The following AVL9 variants were observed in gnomAD, a reference collection of about 807,000 sequenced individuals.
The protein encoded by AVL9 is AVL9 cell migration associated.
Under a neutral mutation model 79.2 loss-of-function variants are expected in AVL9, and 49 were observed. The observed-to-expected ratio is 0.62, with a 90% confidence interval of 0.49 to 0.79. AVL9 has a LOEUF of 0.79. AVL9 is among the 30% of genes least tolerant of loss of function. The probability of loss-of-function intolerance (pLI) is 0.00; values close to 1 mark genes in which losing one functional copy is unlikely to be tolerated. For missense variants in AVL9, 682 were observed against 776.8 expected (o/e 0.88, Z 1.45); for synonymous variants, 299 against 280.6 (o/e 1.07, Z -0.65).
At chr7:32,558,331 G>A (rs1337854444) in intron 8 of AVL9, among the ~76,000 whole-genome samples, 3 of 150,294 alleles carry the variant, frequency 2.0e-5, no homozygotes, top group Non-Finnish European at 4.4e-5. Context: ...CTAAGTTTTT[G>A]TATTTTAGTA....
At chr7:32,579,185 A>G (rs887345138) in intron 13 of AVL9, among the ~76,000 whole-genome samples, 41 of 147,128 alleles carry the variant, frequency 2.8e-4, no homozygotes, top group Admixed American at 2.9e-4. Context: ...GACCCCTGAG[A>G]TAAGAATTGG....
chr7:32,550,612 C>T (rs1789769071), intron 4 of AVL9, among the ~76,000 whole-genome samples: 1 of 151,966 alleles, frequency 6.6e-6, no homozygotes, highest in South Asian at 2.1e-4. Context: ...GTCATTACAT[C>T]CTGAAATGGA....
At chr7:32,579,448 ATATTATATAT>A (rs1791295395) in intron 13 of AVL9, among the ~76,000 whole-genome samples, 1 of 5,814 alleles carries the variant, frequency 1.7e-4, no homozygotes, top group African/African-American at 7.8e-4. Flanking sequence ...TATATATAAT[ATATTATATAT>A]TATATATAAT....
At chr7:32,519,550 A>G (rs936253401) in intron 1 of AVL9, among the ~76,000 whole-genome samples, 2 of 152,236 alleles carry the variant, frequency 1.3e-5, no homozygotes, top group African/African-American at 4.8e-5. Context: ...CTTAATCTCA[A>G]AATTCTCTGC....
intron 15 of AVL9, among the ~76,000 whole-genome samples, chr7:32,583,540 G>T (rs1274502743): frequency 5.3e-5 from 8 of 152,074 alleles, no homozygotes; most frequent in Non-Finnish European, 7.4e-5. Context: ...TTACCCAGGT[G>T]TGGTCACACA....
chr7:32,552,314 A>G lies in AVL9; in HGVS notation c.529+19A>G. On this transcript the variant is annotated intron_variant, in intron 6 of 15. Transcript: ENST00000318709. ...TATCTTGGTAAGTAACTGACTTACAAGTTAAAAGAGATCCCCTCATTTCTA... is the reference window on the plus strand; with the variant it reads ...TATCTTGGTAAGTAACTGACTTACAGGTTAAAAGAGATCCCCTCATTTCTA... 6.7e-7 allele frequency: 1 copy of G among 1,496,830 alleles called. No individual in the cohort carries two copies. Among genetic ancestry groups the G allele is most frequent in the Non-Finnish European group, 9.3e-7 (1 of 1,079,792 alleles). The allele number at this position is 1,496,830 out of a possible 1,614,324, so 92.7% of individuals were successfully genotyped here. A position where few individuals can be genotyped will look rare whatever the true frequency, so the allele number is the denominator to read the frequency against.
rs1297867750 is a variant in AVL9 at position 32,533,134 on chromosome 7, C to T, written c.94-10007C>T. On this transcript the variant is annotated intron_variant, in intron 1 of 15. Coordinates refer to ENST00000318709, the MANE Select transcript of AVL9 (RefSeq NM_015060.3). ...CCAGCCTGGCCAACATGATGAAACC[C>T]CGTCTCTACTAAAAATACAAAAATT... The T allele has an allele frequency of 1.3e-5, 2 of 152,106 alleles. 1 individual carries two copies. 9.4% of individuals were successfully genotyped at this position (152,106 alleles called of 1,614,324 possible).
Position 32,573,438 on chromosome 7 carries a change from C to T in AVL9, c.1570+20C>T. 7.0e-6 allele frequency: 11 copies of T among 1,576,012 alleles called. No homozygotes were observed. Among genetic ancestry groups the T allele is most frequent in the East Asian group, 2.3e-5 (1 of 44,426 alleles). On this transcript the variant is annotated intron_variant, in intron 12 of 15. Coordinates refer to ENST00000318709, the MANE Select transcript of AVL9 (RefSeq NM_015060.3). ...AATTAGGTAAGAAACCACACGGAGC[C>T]TACAGCTACCTGTTTTATTATAATT...
rs1385395914 is a variant in AVL9 at position 32,542,147 on chromosome 7, G to C, written c.94-994G>C. The stretch of plus-strand genomic sequence containing the variant: ...GAGCAGGGACTGGGTAGCTGGGGTG[G>C]TGATATCAAGGGTGGGAGGCAGTCT... On this transcript the variant is annotated intron_variant, in intron 1 of 15. Transcript: ENST00000318709. Among the ~76,000 whole-genome samples, 5 of 150,774 alleles carry C rather than the reference G, an allele frequency of 3.3e-5. No homozygotes were observed. In the East Asian group the frequency reaches 9.7e-4, roughly 29 times the overall value.
At chr7:32,540,685 C>T (rs1789139419) in intron 1 of AVL9, among the ~76,000 whole-genome samples, 1 of 152,020 alleles carries the variant, frequency 6.6e-6, no homozygotes, top group Non-Finnish European at 1.5e-5. Context: ...TCTTAATTAT[C>T]TTGATAATAC....
intron 1 of AVL9, chr7:32,532,140 G>T (rs1408482566): frequency 2.0e-5 from 3 of 152,202 alleles, no homozygotes; most frequent in Non-Finnish European, 4.4e-5. Context: ...GGGGCAGGTA[G>T]GTAAGCTTCC....
chr7:32,561,255 C>T (rs916541077), intron 10 of AVL9, among the ~76,000 whole-genome samples: 5 of 152,220 alleles, frequency 3.3e-5, no homozygotes, highest in Non-Finnish European at 7.3e-5. Flanking sequence ...CATCTTCTTC[C>T]AATAGAAAGC....
chr7:32,544,610 C>T, intron 2 of AVL9, 84 bp from the exon 3 acceptor site: 1 of 880,784 alleles, frequency 1.1e-6, no homozygotes, highest in South Asian at 1.6e-5. Flanking sequence ...GTGTTAATGA[C>T]TGCATTATGA....
At chr7:32,533,179 TGCCTGTAATCCAA>T (rs1420789550) in intron 1 of AVL9, 1 of 152,098 alleles carries the variant, frequency 6.6e-6, no homozygotes, top group African/African-American at 2.4e-5. Context: ...TGGTGGCAGG[TGCCTGTAATCCAA>T]GCTACTCGGG....
rs1447159711 is a variant in AVL9 at position 32,562,672 on chromosome 7, C to A, written c.1215+3208C>A. 6.2e-6 allele frequency: 6 copies of A among 969,746 alleles called. No homozygotes were observed. The Admixed American group carries it at 3.7e-4, about 60-fold the overall frequency. 60.1% of individuals were successfully genotyped at this position (969,746 alleles called of 1,614,324 possible). On this transcript the variant is annotated intron_variant, in intron 10 of 15. Coordinates refer to ENST00000318709, the MANE Select transcript of AVL9 (RefSeq NM_015060.3). Reference sequence around the variant, plus strand: ...TAGCATCTCACACCTGTAATCCCAGCACTTTGGGAGGCCGAGGTGGGGAGG... The same window carrying A: ...TAGCATCTCACACCTGTAATCCCAGAACTTTGGGAGGCCGAGGTGGGGAGG...
chr7:32,540,248 G>A (rs1789117102), intron 1 of AVL9, among the ~76,000 whole-genome samples: 1 of 152,124 alleles, frequency 6.6e-6, no homozygotes, highest in African/African-American at 2.4e-5. Context: ...GAACATTTTT[G>A]TATGTATCTG....
At chr7:32,540,495 G>C (rs1038426251) in intron 1 of AVL9, among the ~76,000 whole-genome samples, 5 of 152,168 alleles carry the variant, frequency 3.3e-5, no homozygotes, top group African/African-American at 1.2e-4. Flanking sequence ...TAAAATTTGA[G>C]CAGTTGCCTT....
intron 8 of AVL9, among the ~76,000 whole-genome samples, chr7:32,557,676 G>C (rs1489194005): frequency 6.6e-6 from 1 of 152,074 alleles, no homozygotes; most frequent in Non-Finnish European, 1.5e-5. Flanking sequence ...CGATCATTTG[G>C]TTGAGGTGGT....
chr7:32,498,363 C>G (rs926636903), intron 1 of AVL9, among the ~76,000 whole-genome samples: 2 of 151,544 alleles, frequency 1.3e-5, no homozygotes, highest in Non-Finnish European at 2.9e-5. Flanking sequence ...ATTCTCCTGC[C>G]TCAGCCTCCC....
Sources: allele counts gnomAD v4.1 joint callset (sites outside exome capture counted in the v4.1 genomes callset), GRCh38; gene constraint gnomAD v4.1.1; transcripts MANE v1.5; gene names NCBI Gene and HGNC (gene_info 2026-07-23, HGNC 2026-07-21).